The following CNTLN variants were observed in gnomAD, a reference collection of about 807,000 sequenced individuals.
CNTLN encodes centlein.
Under a neutral mutation model 180.0 loss-of-function variants are expected in CNTLN, and 212 were observed. The ratio of observed to expected loss-of-function variants is 1.18; its 90% CI spans 1.05 to 1.32. CNTLN has a LOEUF of 1.32. Among genes scored for constraint, CNTLN ranks in the 40% most tolerant of loss-of-function variants. CNTLN has a pLI of 0.00. For synonymous variants in CNTLN, 722 were observed against 563.1 expected, an observed-to-expected ratio of 1.28 and a Z score of -3.99; for missense variants, 2,095 against 1,610.9, an observed-to-expected ratio of 1.30 and a Z score of -5.14.
chr9:17,293,783 C>G (rs1394696119), intron 6 of CNTLN, among the ~76,000 whole-genome samples: 2 of 152,082 alleles, frequency 1.3e-5, no homozygotes, highest in African/African-American at 2.4e-5. Flanking sequence ...AGTCACCAGC[C>G]CATTGGCTGC....
intron 14 of CNTLN, among the ~76,000 whole-genome samples, chr9:17,389,822 A>G (rs1825958789): frequency 6.6e-6 from 1 of 152,212 alleles, no homozygotes; most frequent in Non-Finnish European, 1.5e-5. Flanking sequence ...ACATTTATAT[A>G]TATTAAGAGT....
At chr9:17,289,796 C>T (rs747024047) in intron 6 of CNTLN, among the ~76,000 whole-genome samples, 6 of 143,374 alleles carry the variant, frequency 4.2e-5, no homozygotes, top group African/African-American at 1.1e-4. Flanking sequence ...TCCAGTTGAT[C>T]GCATGGGCTC....
At chr9:17,356,040 G>T (rs911095782) in intron 12 of CNTLN, among the ~76,000 whole-genome samples, 1 of 137,186 alleles carries the variant, frequency 7.3e-6, no homozygotes, top group Non-Finnish European at 1.5e-5. Context: ...CTCCAGCCTG[G>T]GCAACAAAGC....
chr9:17,147,615 A>G (rs1818544250), intron 2 of CNTLN, among the ~76,000 whole-genome samples: 1 of 151,484 alleles, frequency 6.6e-6, no homozygotes, highest in Non-Finnish European at 1.5e-5. Flanking sequence ...TAGTTCATTT[A>G]TGGCTGCTGC....
intron 8 of CNTLN, among the ~76,000 whole-genome samples, chr9:17,323,288 C>G (rs1820046237): frequency 6.6e-6 from 1 of 152,142 alleles, no homozygotes. Context: ...GGAATACAGC[C>G]TACTGCGCTT....
At chr9:17,504,617 T>G (rs1833898526), downstream of CNTLN, among the ~76,000 whole-genome samples, 1 of 152,150 alleles carries the variant, frequency 6.6e-6, no homozygotes, top group South Asian at 2.1e-4. Context: ...GTGAGCCTGA[T>G]GAAACCACAA....
intron 15 of CNTLN, among the ~76,000 whole-genome samples, chr9:17,407,610 A>G (rs1827494354): frequency 6.6e-6 from 1 of 152,214 alleles, no homozygotes. Flanking sequence ...TGTGGCTTTA[A>G]TAGTTGTCTG....
At chr9:17,207,198 C>T (rs753909594) in intron 2 of CNTLN, among the ~76,000 whole-genome samples, 3 of 152,208 alleles carry the variant, frequency 2.0e-5, no homozygotes, top group Non-Finnish European at 1.5e-5. Context: ...CTTATTATAT[C>T]AATTTGCTTA....
Position 17,416,078 on chromosome 9 carries a change from C to G in CNTLN, c.3003C>G (p.Ala1001=). 1 of 1,613,358 alleles carries G rather than the reference C, an allele frequency of 6.2e-7. No homozygotes were observed. Among genetic ancestry groups the G allele is most frequent in the South Asian group, 1.1e-5 (1 of 91,044 alleles). Residue 1001 remains alanine (A), a synonymous_variant, in exon 18 of 26, where the codon GCC becomes GCG. Coordinates refer to ENST00000380647, the MANE Select transcript of CNTLN (RefSeq NM_017738.4). ...AACAAAACAGTGTACTTCAGAATGC[C>G]AAGAAAACAGCAGAATTGTCTGTTA... ...LQQQNSVLQN[A]KKTAELSVKE... is the part of the protein sequence containing the mutation.
At chr9:17,504,893 A>G (rs1833904893), downstream of CNTLN, among the ~76,000 whole-genome samples, 2 of 152,140 alleles carry the variant, frequency 1.3e-5, no homozygotes, top group Non-Finnish European at 2.9e-5. Flanking sequence ...GTAAGATAAT[A>G]CATTTTATCT....
At chr9:17,467,824 G>A (rs950021832) in intron 23 of CNTLN, among the ~76,000 whole-genome samples, 1 of 151,590 alleles carries the variant, frequency 6.6e-6, no homozygotes, top group African/African-American at 2.4e-5. Context: ...ACTGTGGAAA[G>A]CAGTTTGGAA....
chr9:17,382,375 T>C (rs1825324175), intron 13 of CNTLN, among the ~76,000 whole-genome samples: 1 of 152,154 alleles, frequency 6.6e-6, no homozygotes, highest in African/African-American at 2.4e-5. Context: ...ACCAAAACAA[T>C]CAAGCCTTCG....
At chr9:17,398,264 C>G (rs1434779096) in intron 15 of CNTLN, among the ~76,000 whole-genome samples, 1 of 152,090 alleles carries the variant, frequency 6.6e-6, no homozygotes, top group African/African-American at 2.4e-5. Flanking sequence ...TTGCCTTATG[C>G]TAGAAGTCAA....
chr9:17,182,089 C>T (rs1821157826), intron 2 of CNTLN, among the ~76,000 whole-genome samples: 1 of 152,100 alleles, frequency 6.6e-6, no homozygotes, highest in South Asian at 2.1e-4. Flanking sequence ...TGGGGAGCCT[C>T]ATTATATAGA....
At chr9:17,361,966 A>T (rs1332263938) in intron 12 of CNTLN, among the ~76,000 whole-genome samples, 1 of 152,234 alleles carries the variant, frequency 6.6e-6, no homozygotes, top group African/African-American at 2.4e-5. Flanking sequence ...CATCCTGGTC[A>T]GGAGTACCAG....
At chr9:17,236,870 G>C (rs964991296) in intron 5 of CNTLN, among the ~76,000 whole-genome samples, 3 of 152,022 alleles carry the variant, frequency 2.0e-5, no homozygotes. Flanking sequence ...TAGAATCATT[G>C]GTTTTAACTT....
chr9:17,263,418 A>G (rs1188220227), intron 5 of CNTLN, among the ~76,000 whole-genome samples: 2 of 151,058 alleles, frequency 1.3e-5, no homozygotes, highest in Non-Finnish European at 2.9e-5. Context: ...TATATGTGCC[A>G]CATTTTCTTA....
At chr9:17,513,501 G>A in the CNTLN span, among the ~76,000 whole-genome samples, 1 of 152,002 alleles carries the variant, frequency 6.6e-6, no homozygotes, top group African/African-American at 2.4e-5. Context: ...TTCAACACCA[G>A]CCTGAGCAAA....
chr9:17,150,094 A>G (rs554091661), intron 2 of CNTLN, among the ~76,000 whole-genome samples: 5 of 152,186 alleles, frequency 3.3e-5, no homozygotes, highest in Admixed American at 6.5e-5. Flanking sequence ...CTCCCATTCT[A>G]TAGGTTGCCT....
Sources: allele counts gnomAD v4.1 joint callset (sites outside exome capture counted in the v4.1 genomes callset), GRCh38; gene constraint gnomAD v4.1.1; transcripts MANE v1.5; gene names NCBI Gene and HGNC (gene_info 2026-07-23, HGNC 2026-07-21).